VPS9D1: variants seen among roughly 807,000 people sequenced by gnomAD.
VPS9D1 encodes VPS9 domain-containing protein 1.
In VPS9D1, 78 loss-of-function variants were observed where a neutral mutation model predicts 75.8. That is an observed-to-expected ratio of 1.03 (90% CI 0.86 to 1.24). VPS9D1 has a LOEUF of 1.24. VPS9D1 is among the 50% of genes most tolerant of loss of function. VPS9D1 has a pLI of 0.00. For missense variants in VPS9D1, 1,057 were observed against 847.7 expected, an observed-to-expected ratio of 1.25 and a Z score of -3.07; for synonymous variants, 481 against 385.6, an observed-to-expected ratio of 1.25 and a Z score of -2.90.
rs2061181287 is a variant in VPS9D1, at chr16:89,719,417, A to G, written c.100-315T>C. The G allele has an allele frequency of 8.1e-6, 4 of 496,642 alleles. 1 individual carries two copies. The highest frequency in any genetic ancestry group is 6.2e-5 in the South Asian group (4 of 64,698). 30.8% of individuals were successfully genotyped at this position (496,642 alleles called of 1,614,324 possible). A position where few individuals can be genotyped will look rare whatever the true frequency, so the allele number is the denominator to read the frequency against. ...CTCCAGCACAGGAACTGATATTCTCATTCAGTGGGCCTGGGGAAGTGACCT... is the reference window on the plus strand; with the variant it reads ...CTCCAGCACAGGAACTGATATTCTCGTTCAGTGGGCCTGGGGAAGTGACCT... On this transcript the variant is annotated intron_variant, in intron 1 of 14. Transcript: ENST00000389386.
Position 89,708,922 on chromosome 16 carries a change from T to C in VPS9D1, c.1632A>G (p.Glu544=), listed in dbSNP as rs1360468875. 2.5e-6 allele frequency: 4 copies of C among 1,604,004 alleles called. No homozygotes were observed. Among genetic ancestry groups the C allele is most frequent in the Middle Eastern group, 1.8e-4 (1 of 5,668 alleles). ...TGGCCTCTGGGGTGGGGCAGTAGTC[T>C]TCCGCACAGACACAGATGATCCGCA... is the stretch of plus-strand genomic sequence containing the variant. ...RTLRIICVCA[E]DYCPTPEATP... is the part of the protein sequence containing the mutation. Residue 544 remains glutamate, a synonymous_variant, in exon 13 of 15, where the codon GAA becomes GAG. Transcript: ENST00000389386.
At chr16:89,708,149 G>C (rs1297801407) in intron 14 of VPS9D1, among the ~76,000 whole-genome samples, 195 bp from the exon 15 acceptor site, 1 of 152,234 alleles carries the variant, frequency 6.6e-6, no homozygotes. Context: ...TAGAGCCAGG[G>C]ATGGCACTGG....
intron 1 of VPS9D1, 122 bp downstream of exon 1, chr16:89,720,641 A>T: frequency 3.3e-6 from 4 of 1,225,474 alleles, no homozygotes; most frequent in Non-Finnish European, 4.1e-6. Flanking sequence ...GCGGCCCGGG[A>T]TCCCGGCTGG....
chr16:89,719,410 T>G (rs566882562), intron 1 of VPS9D1: 38 of 515,204 alleles, frequency 7.4e-5, no homozygotes, highest in African/African-American at 6.5e-4. Context: ...CAGGAACTGA[T>G]ATTCTCATTC....
At chr16:89,719,322 C>T (rs758489858) in intron 1 of VPS9D1, 9 of 628,854 alleles carry the variant, frequency 1.4e-5, no homozygotes, top group South Asian at 1.1e-4. Flanking sequence ...TTGGAAAAGA[C>T]ATCAGGACCT....
chr16:89,709,357 G>A lies in VPS9D1; in HGVS notation c.1467C>T (p.Gly489=), dbSNP rs781596061. Residue 489 remains glycine, a synonymous_variant, in exon 12 of 15, where the codon GGC becomes GGT. Coordinates refer to ENST00000389386, the MANE Select transcript of VPS9D1 (RefSeq NM_004913.3). The part of the protein sequence containing the change: ...LYRNAPPTAI[G]IPTKLLPQNP... ...TCTGGGGGAGGAGCTTGGTGGGGAT[G>A]CCAATGGCGGTGGGGGGTGCATTCC... 1.3e-6 allele frequency: 2 copies of A among 1,581,072 alleles called. No individual in the cohort carries two copies. Among genetic ancestry groups the A allele is most frequent in the Non-Finnish European group, 1.7e-6 (2 of 1,166,806 alleles).
intron 8 of VPS9D1, 87 bp from the exon 9 acceptor site, chr16:89,711,499 G>A: frequency 7.6e-7 from 1 of 1,312,240 alleles, no homozygotes; most frequent in South Asian, 1.4e-5. Context: ...GACCCCTAGA[G>A]ACTGTGGGAG....
rs570108999 is a variant in VPS9D1 at position 89,712,749 on chromosome 16, A to T, written c.432-33T>A. The T allele has an allele frequency of 2.0e-6, 3 of 1,512,826 alleles. No individual in the cohort carries two copies. The African/African-American group carries it at 4.2e-5, about 21-fold the overall frequency. 93.7% of individuals were successfully genotyped at this position (1,512,826 alleles called of 1,614,324 possible). A position where few individuals can be genotyped will look rare whatever the true frequency, so the allele number is the denominator to read the frequency against. On this transcript the variant is annotated intron_variant, in intron 4 of 14. Transcript: ENST00000389386. ...TGTGACAAGCTGCTGTCTAGACCCCAGGAAGCCCAGTGGTGTCTGGACACC... is the reference window on the plus strand; with the variant it reads ...TGTGACAAGCTGCTGTCTAGACCCCTGGAAGCCCAGTGGTGTCTGGACACC...
intron 4 of VPS9D1, among the ~76,000 whole-genome samples, chr16:89,714,876 AG>A (rs2061024981): frequency 6.6e-6 from 1 of 152,038 alleles, no homozygotes; most frequent in Admixed American, 6.6e-5. Flanking sequence ...CTGGGGTTAC[AG>A]GCACGCGCCA....
At chr16:89,709,020 A>ACCCAC in intron 12 of VPS9D1, 64 bp from the exon 13 acceptor site, 1 of 1,277,898 alleles carries the variant, frequency 7.8e-7, no homozygotes. Context: ...CACCCCTTAT[A>ACCCAC]CCCCGCCCAC....
At chr16:89,711,814 C>G in intron 8 of VPS9D1, 68 bp downstream of exon 8, 1 of 1,510,506 alleles carries the variant, frequency 6.6e-7, no homozygotes, top group Non-Finnish European at 8.9e-7. Flanking sequence ...GGGGCCCACC[C>G]AGGCGGCTCT....
intron 4 of VPS9D1, 46 bp from the exon 5 acceptor site, chr16:89,712,762 G>A (rs752022012): frequency 6.8e-7 from 1 of 1,466,020 alleles, no homozygotes; most frequent in East Asian, 2.4e-5. Flanking sequence ...AAGCCCAGTG[G>A]TGTCTGGACA....
intron 4 of VPS9D1, among the ~76,000 whole-genome samples, 195 bp downstream of exon 4, chr16:89,716,267 G>A (rs2061065021): frequency 6.6e-6 from 1 of 152,114 alleles, no homozygotes; most frequent in African/African-American, 2.4e-5. Flanking sequence ...TTGGGAGGCT[G>A]AGGCAGAAGA....
intron 1 of VPS9D1, chr16:89,720,542 G>C (rs1040375123): frequency 4.3e-6 from 5 of 1,171,244 alleles, no homozygotes; most frequent in South Asian, 4.2e-5. Flanking sequence ...CTCAGCGAGC[G>C]GAGTGGAAAG....
chr16:89,711,702 C>T lies in VPS9D1; in HGVS notation c.747+180G>A. On this transcript the variant is annotated intron_variant, in intron 8 of 14. Coordinates refer to ENST00000389386, the MANE Select transcript of VPS9D1 (RefSeq NM_004913.3). ...CTGACCTCGCCTCCTCGCTCTGCCC[C>T]GCCCCACGCAGCCCTGGCCCCGCCC... 5 of 805,060 alleles carry T rather than the reference C, an allele frequency of 6.2e-6. No homozygotes were observed. In the South Asian group the frequency reaches 7.3e-5, roughly 12 times the overall value. The allele number at this position is 805,060 out of a possible 1,614,324, so 49.9% of individuals were successfully genotyped here.
At chr16:89,717,473 T>C (rs1029513711) in intron 2 of VPS9D1, 54 of 440,260 alleles carry the variant, frequency 1.2e-4, no homozygotes, top group African/African-American at 1.0e-3. Context: ...TGCGCGACCA[T>C]GGACCTGCTC....
chr16:89,710,502 C>G (rs1488487565), intron 10 of VPS9D1, 84 bp downstream of exon 10: 1 of 1,433,648 alleles, frequency 7.0e-7, no homozygotes, highest in Non-Finnish European at 9.4e-7. Flanking sequence ...ATCAACAGAC[C>G]CTTCCCCAAA....
At chr16:89,712,340 C>G in intron 6 of VPS9D1, 120 bp downstream of exon 6, 13 of 1,462,742 alleles carry the variant, frequency 8.9e-6, no homozygotes, top group Non-Finnish European at 1.2e-5. Flanking sequence ...GCGGGGAGCC[C>G]CTCGGCCCTG....
At chr16:89,720,403 T>C (rs1259561791) in intron 1 of VPS9D1, 1 of 1,008,350 alleles carries the variant, frequency 9.9e-7, no homozygotes, top group Non-Finnish European at 1.2e-6. Flanking sequence ...CCGGATTAAA[T>C]CTACCATCTC....
Sources: allele counts gnomAD v4.1 joint callset (sites outside exome capture counted in the v4.1 genomes callset), GRCh38; gene constraint gnomAD v4.1.1; transcripts MANE v1.5; gene names NCBI Gene and HGNC (gene_info 2026-07-23, HGNC 2026-07-21).